RABGAP1L: variants seen among roughly 807,000 people sequenced by gnomAD.
RABGAP1L encodes RAB GTPase activating protein 1 like.
A neutral mutation model predicts 137.7 loss-of-function variants in RABGAP1L; 63 were observed. That is an observed-to-expected ratio of 0.46 (90% CI 0.37 to 0.56). The LOEUF is 0.56. RABGAP1L is among the 20% of genes least tolerant of loss of function. The pLI, the probability that RABGAP1L is intolerant of heterozygous loss-of-function variation, is 0.00. For synonymous variants in RABGAP1L, 431 were observed against 433.7 expected, an observed-to-expected ratio of 0.99 and a Z score of 0.08; for missense variants, 1,095 against 1,244.0, an observed-to-expected ratio of 0.88 and a Z score of 1.80.
intron 18 of RABGAP1L, among the ~76,000 whole-genome samples, chr1:174,767,076 G>A (rs898276853): frequency 6.6e-6 from 1 of 152,138 alleles, no homozygotes; most frequent in East Asian, 1.9e-4. Context: ...CCACTTCCCC[G>A]TTGTTTCACC....
chr1:174,449,278 G>A, intron 13 of RABGAP1L: 1 of 1,225,358 alleles, frequency 8.2e-7, no homozygotes, highest in East Asian at 2.4e-5. Flanking sequence ...TTTGCCATCA[G>A]AGAAATATTT....
intron 13 of RABGAP1L, among the ~76,000 whole-genome samples, chr1:174,440,520 A>G (rs958913151): frequency 6.6e-6 from 1 of 152,184 alleles, no homozygotes; most frequent in Non-Finnish European, 1.5e-5. Context: ...GCCTTTTGGT[A>G]CATTTTTAAA....
At chr1:174,580,051 C>T (rs559066513) in intron 13 of RABGAP1L, among the ~76,000 whole-genome samples, 10 of 152,220 alleles carry the variant, frequency 6.6e-5, no homozygotes, top group Non-Finnish European at 1.3e-4. Flanking sequence ...CATGAGACAC[C>T]GTGGCCAGCC....
At chr1:174,928,614 G>C (rs1663211595) in intron 19 of RABGAP1L, among the ~76,000 whole-genome samples, 1 of 151,954 alleles carries the variant, frequency 6.6e-6, no homozygotes, top group Non-Finnish European at 1.5e-5. Context: ...AGGGAACTCG[G>C]GAAATGATTC....
At chr1:174,850,060 T>C in intron 19 of RABGAP1L, 1 of 549,822 alleles carries the variant, frequency 1.8e-6, no homozygotes, top group East Asian at 4.9e-5. Context: ...AGGAGGCTGT[T>C]GGTAGAGGGG....
At chr1:174,466,266 A>G (rs1208500265) in intron 13 of RABGAP1L, among the ~76,000 whole-genome samples, 1 of 152,234 alleles carries the variant, frequency 6.6e-6, no homozygotes, top group Non-Finnish European at 1.5e-5. Flanking sequence ...AGATTTAGAA[A>G]GCTTATGTTC....
chr1:174,699,743 G>C, intron 16 of RABGAP1L, 93 bp downstream of exon 16: 1 of 1,219,944 alleles, frequency 8.2e-7, no homozygotes, highest in Non-Finnish European at 1.1e-6. Context: ...AATTATAGAA[G>C]TTTAATGGAA....
At chr1:174,351,559 ATGT>A (rs1464210233) in intron 11 of RABGAP1L, among the ~76,000 whole-genome samples, 1 of 151,632 alleles carries the variant, frequency 6.6e-6, no homozygotes, top group East Asian at 1.9e-4. Flanking sequence ...GCTCCATTGT[ATGT>A]TGTTTCTTTA....
chr1:174,310,176 T>G (rs943308381), intron 11 of RABGAP1L, among the ~76,000 whole-genome samples: 4 of 152,178 alleles, frequency 2.6e-5, no homozygotes, highest in Non-Finnish European at 5.9e-5. Flanking sequence ...ATTTTATGAT[T>G]CTTTGTATTT....
intron 17 of RABGAP1L, among the ~76,000 whole-genome samples, chr1:174,737,323 C>T (rs1181623594): frequency 1.3e-5 from 2 of 152,180 alleles, no homozygotes; most frequent in Non-Finnish European, 2.9e-5. Context: ...TAAGTTCAAA[C>T]TTCCACAAAT....
At chr1:174,474,595 G>GATT (rs539324091) in intron 13 of RABGAP1L, among the ~76,000 whole-genome samples, 284 of 151,858 alleles carry the variant, frequency 1.9e-3, no homozygotes, top group Middle Eastern at 3.4e-3. Context: ...TGATGATGAT[G>GATT]ATTATTATTA....
At chr1:174,714,451 A>T (rs571053989) in intron 17 of RABGAP1L, among the ~76,000 whole-genome samples, 1 of 152,354 alleles carries the variant, frequency 6.6e-6, no homozygotes, top group South Asian at 2.1e-4. Flanking sequence ...CTAACTTTAC[A>T]TATGGTAGAC....
chr1:174,876,443 A>G (rs184450040), intron 19 of RABGAP1L, among the ~76,000 whole-genome samples: 19 of 152,232 alleles, frequency 1.2e-4, no homozygotes, highest in African/African-American at 3.8e-4. Context: ...TCTTCCCCTT[A>G]TTTTTATTTG....
intron 5 of RABGAP1L, among the ~76,000 whole-genome samples, chr1:174,247,953 A>G (rs142350644): frequency 2.1e-4 from 32 of 152,216 alleles, no homozygotes; most frequent in African/African-American, 7.0e-4. Flanking sequence ...AAAACTAAAT[A>G]TACACTGAAG....
At chr1:174,590,596 C>T (rs1315190122) in intron 13 of RABGAP1L, among the ~76,000 whole-genome samples, 2 of 72,336 alleles carry the variant, frequency 2.8e-5, no homozygotes, top group African/African-American at 1.2e-4. Flanking sequence ...TGAGAATATG[C>T]GGTGTTTGGT....
At chr1:174,240,514 T>C (rs12079689) in intron 4 of RABGAP1L, among the ~76,000 whole-genome samples, 44,854 of 152,168 alleles carry the variant, frequency 0.29, 7,044 homozygotes, top group African/African-American at 0.37. Flanking sequence ...TCCTAAAGTG[T>C]TGGGATTACA....
intron 13 of RABGAP1L, among the ~76,000 whole-genome samples, chr1:174,514,308 C>T (rs1349843005): frequency 1.3e-5 from 2 of 149,304 alleles, no homozygotes; most frequent in African/African-American, 5.0e-5. Context: ...ATTCGTTTTC[C>T]ACCTTTAAAA....
chr1:174,958,040 CA>C, intron 20 of RABGAP1L: 1 of 1,530,600 alleles, frequency 6.5e-7, no homozygotes, highest in Non-Finnish European at 8.8e-7. Context: ...TTTAGCTGTG[CA>C]TGTCATATCC....
In RABGAP1L at chr1:174,742,354, T is replaced by C. The variant is rs537952702; in HGVS notation, c.2170-9959T>C. Among the ~76,000 whole-genome samples, 45 of 151,794 alleles carry C rather than the reference T, an allele frequency of 3.0e-4. No homozygotes were observed. In the South Asian group the frequency reaches 9.2e-3, roughly 31 times the overall value. ...CTAATGTGGTGAAACCCATCTCTAC[T>C]AAAAATACAAAAATTAGTTGAGTGT... On this transcript the variant is annotated intron_variant, in intron 17 of 25. Coordinates refer to ENST00000681986, the MANE Select transcript of RABGAP1L (RefSeq NM_001366446.1).
Sources: gnomAD v4.1 joint callset for allele counts (sites outside exome capture counted in the v4.1 genomes callset) on GRCh38, gnomAD v4.1.1 for gene constraint, MANE v1.5 for transcripts, NCBI Gene and HGNC (gene_info 2026-07-23, HGNC 2026-07-21) for gene names.